RIMKLA: variants seen among roughly 807,000 people sequenced by gnomAD.
The protein encoded by RIMKLA is N-acetylaspartylglutamate synthase A.
A neutral mutation model predicts 32.7 loss-of-function variants in RIMKLA; 14 were observed. That is an observed-to-expected ratio of 0.43 (90% CI 0.28 to 0.67). RIMKLA has a LOEUF of 0.67. Ranked by LOEUF, RIMKLA falls within the 30% of genes least tolerant of loss-of-function variation. The pLI is 0.18. For missense variants in RIMKLA, 410 were observed against 519.0 expected (o/e 0.79, Z 2.04); for synonymous variants, 176 against 204.1 (o/e 0.86, Z 1.18).
chr1:42,395,390 CT>C (rs1332930364), intron 1 of RIMKLA, among the ~76,000 whole-genome samples: 2 of 147,498 alleles, frequency 1.4e-5, no homozygotes, highest in Non-Finnish European at 3.0e-5. Context: ...TGGTTTGAGG[CT>C]AAACATAATC....
rs1557750080 is a variant in RIMKLA at position 42,385,882 on chromosome 1, CTTT to C, written c.163+4786_163+4788del. ...TCTTTCTTTCTTTCTTTCTTTCTTTCTTTCTTTCTTTCTTTCCTTCTTTCCTTC... is the reference window on the plus strand; with the variant it reads ...TCTTTCTTTCTTTCTTTCTTTCTTTCCTTTCTTTCTTTCCTTCTTTCCTTC... On this transcript the variant is annotated intron_variant, in intron 1 of 4. Transcript: ENST00000431473. Among the ~76,000 whole-genome samples the C allele has an allele frequency of 1.7e-3, 158 of 92,264 alleles. 6 individuals are homozygous for C. The highest frequency in any genetic ancestry group is 5.4e-3 in the Middle Eastern group (1 of 184). 60.5% of individuals were successfully genotyped at this position (92,264 alleles called of 152,430 possible). A position where few individuals can be genotyped will look rare whatever the true frequency, so the allele number is the denominator to read the frequency against.
intron 1 of RIMKLA, among the ~76,000 whole-genome samples, chr1:42,391,316 G>A (rs58864131): frequency 0.15 from 22,900 of 152,116 alleles, 1,818 homozygotes; most frequent in East Asian, 0.23. Context: ...GGAGTGACCT[G>A]GGCTCTGTAG....
intron 1 of RIMKLA, among the ~76,000 whole-genome samples, chr1:42,392,473 C>T (rs1365822820): frequency 6.6e-6 from 1 of 152,176 alleles, no homozygotes; most frequent in African/African-American, 2.4e-5. Flanking sequence ...GTGCTTGTTC[C>T]TTCCCTGTCA....
rs1275016299 is a variant in RIMKLA, at chr1:42,399,530, G to A, written c.290G>A (p.Arg97Gln). ...VLRHLEKLGC[R>Q]LVNRPQSILN... Reference sequence around the variant, plus strand: ...CGACACCTGGAGAAGCTGGGCTGCCGGTTGGTCAATCGCCCACAGAGCATC... The same window carrying A: ...CGACACCTGGAGAAGCTGGGCTGCCAGTTGGTCAATCGCCCACAGAGCATC... The change falls in exon 2 of 5, where the codon CGG becomes CAG. Residue 97 changes from arginine to glutamine, a missense_variant. Coordinates refer to ENST00000431473, the MANE Select transcript of RIMKLA (RefSeq NM_173642.4). 6.2e-6 allele frequency: 10 copies of A among 1,613,468 alleles called. No individual in the cohort carries two copies. The highest frequency in any genetic ancestry group is 7.6e-6 in the Non-Finnish European group (9 of 1,179,782).
At position 42,381,084 on chromosome 1, in the gene RIMKLA, C is replaced by T. The variant is rs933921055; in HGVS notation, c.150C>T (p.Val50=). ...VLMDQIAVTI[V]GGHLGLQLNQ... ...TGGACCAGATCGCCGTCACCATCGTCGGCGGCCACCTCGGTGAGCGAGGCG... is the reference window on the plus strand; with the variant it reads ...TGGACCAGATCGCCGTCACCATCGTTGGCGGCCACCTCGGTGAGCGAGGCG... Residue 50 remains valine (V), a synonymous_variant, in exon 1 of 5, where the codon GTC becomes GTT. Coordinates refer to ENST00000431473, the MANE Select transcript of RIMKLA (RefSeq NM_173642.4). 1.6e-6 allele frequency: 2 copies of T among 1,263,824 alleles called. No homozygotes were observed. The highest frequency in any genetic ancestry group is 2.0e-6 in the Non-Finnish European group (2 of 1,000,696). The allele number at this position is 1,263,824 out of a possible 1,614,324, so 78.3% of individuals were successfully genotyped here. A position where few individuals can be genotyped will look rare whatever the true frequency, so the allele number is the denominator to read the frequency against.
rs1236365521 is a variant in RIMKLA, at chr1:42,420,175, CAA to C, written c.*5203_*5204del. 1 of 152,230 alleles carries C rather than the reference CAA, an allele frequency of 6.6e-6. No homozygotes were observed. The highest frequency in any genetic ancestry group is 1.5e-5 in the Non-Finnish European group (1 of 68,048). The allele number at this position is 152,230 out of a possible 1,614,324, so 9.4% of individuals were successfully genotyped here. ...GAACCTCTAGATTTCTGTGATTTCT[CAA>C]AGACTTATATTTTTGCAGCCACTGC... On this transcript the variant is annotated 3_prime_UTR_variant, in exon 5 of 5. Coordinates refer to ENST00000431473, the MANE Select transcript of RIMKLA (RefSeq NM_173642.4).
At chr1:42,401,899 A>G (rs938296921) in intron 2 of RIMKLA, among the ~76,000 whole-genome samples, 1 of 152,148 alleles carries the variant, frequency 6.6e-6, no homozygotes, top group African/African-American at 2.4e-5. Flanking sequence ...AGAGGGTGCA[A>G]AATCCCTGGG....
chr1:42,402,154 G>A (rs1321479553), intron 2 of RIMKLA, among the ~76,000 whole-genome samples: 4 of 152,134 alleles, frequency 2.6e-5, no homozygotes, highest in African/African-American at 9.7e-5. Context: ...GACAGGTCTT[G>A]TTAGTATTCT....
At chr1:42,412,961 C>T (rs1446668331) in intron 4 of RIMKLA, among the ~76,000 whole-genome samples, 1 of 151,930 alleles carries the variant, frequency 6.6e-6, no homozygotes, top group Non-Finnish European at 1.5e-5. Context: ...TGGTGAAACC[C>T]CGTCTCTACT....
At chr1:42,385,590 GT>G (rs1314403946) in intron 1 of RIMKLA, among the ~76,000 whole-genome samples, 1 of 152,086 alleles carries the variant, frequency 6.6e-6, no homozygotes, top group East Asian at 1.9e-4. Context: ...TGGATGTTTA[GT>G]TTATGTTTCT....
In RIMKLA at chr1:42,414,966, C is replaced by T. The variant is rs1241818443; in HGVS notation, c.1168C>T (p.Leu390Phe). 1.9e-6 allele frequency: 3 copies of T among 1,602,784 alleles called. No homozygotes were observed. The highest frequency in any genetic ancestry group is 2.6e-6 in the Non-Finnish European group (3 of 1,174,028). The change falls in exon 5 of 5, where the codon CTT (leucine) becomes TTT (phenylalanine). Residue 390 changes from leucine (L) to phenylalanine (F), a missense_variant. Transcript: ENST00000431473. Reference sequence around the variant, plus strand: ...CAACAGGATTGCTTCTGAGTTAAAACTTAAGTGAATTCCTGCTTTTTGGCA... The same window carrying T: ...CAACAGGATTGCTTCTGAGTTAAAATTTAAGTGAATTCCTGCTTTTTGGCA... ...INNRIASELK[L>F]K
intron 2 of RIMKLA, among the ~76,000 whole-genome samples, chr1:42,400,396 C>T (rs1296345404): frequency 6.6e-6 from 1 of 152,042 alleles, no homozygotes; most frequent in Non-Finnish European, 1.5e-5. Context: ...AGGAATTGGA[C>T]AGGGGCAAAG....
chr1:42,401,239 C>A (rs1432333466), intron 2 of RIMKLA, among the ~76,000 whole-genome samples: 1 of 152,176 alleles, frequency 6.6e-6, no homozygotes, highest in South Asian at 2.1e-4. Context: ...GGCAGTAATG[C>A]TTGCTCACCT....
In RIMKLA at chr1:42,412,239, T is replaced by G. The variant is rs566367777; in HGVS notation, c.685+2052T>G. Among the ~76,000 whole-genome samples, 348 of 152,340 alleles carry G rather than the reference T, an allele frequency of 2.3e-3. 4 individuals carry two copies. The Middle Eastern group carries it at 0.031, about 13-fold the overall frequency. On this transcript the variant is annotated intron_variant, in intron 4 of 4. Coordinates refer to ENST00000431473, the MANE Select transcript of RIMKLA (RefSeq NM_173642.4). ...CTTAAATCTTTCCAAGGAGACTAACTGGAGAGAAATCTGAAGTCCTAGCTT... is the reference window on the plus strand; with the variant it reads ...CTTAAATCTTTCCAAGGAGACTAACGGGAGAGAAATCTGAAGTCCTAGCTT...
chr1:42,407,187 T>C (rs1643154663), intron 3 of RIMKLA, among the ~76,000 whole-genome samples: 1 of 152,204 alleles, frequency 6.6e-6, no homozygotes, highest in Non-Finnish European at 1.5e-5. Flanking sequence ...ATTACAGGCG[T>C]GAGCCACTGC....
chr1:42,396,169 G>A (rs1442342429), intron 1 of RIMKLA, among the ~76,000 whole-genome samples: 3 of 145,650 alleles, frequency 2.1e-5, no homozygotes, highest in African/African-American at 7.6e-5. Flanking sequence ...CTGAGAGGTG[G>A]AGGTTACAGT....
chr1:42,395,981 C>T (rs897236315), intron 1 of RIMKLA, among the ~76,000 whole-genome samples: 3 of 152,128 alleles, frequency 2.0e-5, no homozygotes, highest in African/African-American at 7.2e-5. Flanking sequence ...TGGCTCACGC[C>T]TGTAATCCCA....
chr1:42,384,297 C>G (rs1271806067), intron 1 of RIMKLA, among the ~76,000 whole-genome samples: 1 of 152,088 alleles, frequency 6.6e-6, no homozygotes, highest in East Asian at 1.9e-4. Context: ...AAAACAGCCT[C>G]CCTTCACTTT....
intron 2 of RIMKLA, among the ~76,000 whole-genome samples, 153 bp downstream of exon 2, chr1:42,399,787 ATGCCT>A (rs1394141661): frequency 6.6e-6 from 1 of 152,188 alleles, no homozygotes; most frequent in Non-Finnish European, 1.5e-5. Context: ...CTATCTGAAA[ATGCCT>A]TGGCGTCTTC....
Sources: allele counts gnomAD v4.1 joint callset (sites outside exome capture counted in the v4.1 genomes callset), GRCh38; gene constraint gnomAD v4.1.1; transcripts MANE v1.5; gene names NCBI Gene and HGNC (gene_info 2026-07-23, HGNC 2026-07-21).